Variants in FAM107A observed in about 807,000 individuals in gnomAD.
FAM107A encodes actin-associated protein FAM107A.
In FAM107A, 19 loss-of-function variants were observed where a neutral mutation model predicts 13.7. The ratio of observed to expected loss-of-function variants is 1.38; its 90% confidence interval spans 0.97 to 2.03. FAM107A has a LOEUF of 2.03. FAM107A is among the 30% of genes most tolerant of loss of function. The pLI is 0.00. For synonymous variants in FAM107A, 82 were observed against 74.5 expected (o/e 1.10, Z -0.52); for missense variants, 203 against 184.4 (o/e 1.10, Z -0.58).
chr3:58,572,130 G>A (rs185186755), intron 1 of FAM107A, among the ~76,000 whole-genome samples: 6 of 152,210 alleles, frequency 3.9e-5, no homozygotes, highest in East Asian at 1.9e-4. Flanking sequence ...CCTGAGTAAC[G>A]GGAATGACCA....
rs2063622173 is a variant in FAM107A, at chr3:58,566,491, C to G, written c.*97G>C. The G allele has an allele frequency of 3.7e-6, 3 of 820,210 alleles. No individual in the cohort carries two copies. The highest frequency in any genetic ancestry group is 6.1e-6 in the Non-Finnish European group (3 of 491,272). 50.8% of individuals were successfully genotyped at this position (820,210 alleles called of 1,614,324 possible). A position where few individuals can be genotyped will look rare whatever the true frequency, so the allele number is the denominator to read the frequency against. Reference sequence around the variant, plus strand: ...CAGAAGCAGGTGGGAACATCACAGACGTCCCAGGGCCTGGGGCCCAGGGCT... The same window carrying G: ...CAGAAGCAGGTGGGAACATCACAGAGGTCCCAGGGCCTGGGGCCCAGGGCT... On this transcript the variant is annotated 3_prime_UTR_variant, in exon 4 of 4. Transcript: ENST00000360997.
At chr3:58,570,658 A>AG in intron 1 of FAM107A, among the ~76,000 whole-genome samples, 1 of 151,580 alleles carries the variant, frequency 6.6e-6, no homozygotes, top group Admixed American at 6.6e-5. Flanking sequence ...TTAAAAAAAA[A>AG]AAGGCCTCAA....
At chr3:58,624,685 C>G (rs1575460989) in intron 1 of FAM107A, among the ~76,000 whole-genome samples, 1 of 152,104 alleles carries the variant, frequency 6.6e-6, no homozygotes, top group Non-Finnish European at 1.5e-5. Context: ...AAAGCCTATG[C>G]CCCTGACATT....
At chr3:58,586,297 T>C (rs2065605068) in intron 1 of FAM107A, among the ~76,000 whole-genome samples, 1 of 152,186 alleles carries the variant, frequency 6.6e-6, no homozygotes, top group African/African-American at 2.4e-5. Flanking sequence ...CTCACAGGAC[T>C]TCTGTGGTCA....
At chr3:58,619,647 A>G (rs1471996514) in intron 1 of FAM107A, among the ~76,000 whole-genome samples, 2 of 151,892 alleles carry the variant, frequency 1.3e-5, no homozygotes, top group African/African-American at 4.8e-5. Context: ...TCATCATAGT[A>G]CCCAGCACCT....
intron 1 of FAM107A, among the ~76,000 whole-genome samples, chr3:58,607,343 G>C (rs963626105): frequency 6.6e-6 from 1 of 152,166 alleles, no homozygotes; most frequent in African/African-American, 2.4e-5. Flanking sequence ...GGAGGGTGAG[G>C]GTGAGGATGT....
At chr3:58,606,859 T>C (rs2065799461) in intron 1 of FAM107A, among the ~76,000 whole-genome samples, 1 of 152,188 alleles carries the variant, frequency 6.6e-6, no homozygotes, top group Admixed American at 6.5e-5. Flanking sequence ...TTCACACTCT[T>C]GTAGTTTAAG....
rs71625690 is a variant in FAM107A, at chr3:58,565,435, A to ATTTTTT, written c.*1147_*1152dup. On this transcript the variant is annotated 3_prime_UTR_variant, in exon 4 of 4. Coordinates refer to ENST00000360997, the MANE Select transcript of FAM107A (RefSeq NM_001076778.3). ...GACTAGGAAAAAGTAAAAAAAAAAA[A>ATTTTTT]TTTTTTTTTTTTTTTTTTTTTTTTT... 2.4e-4 allele frequency: 20 copies of ATTTTTT among 82,338 alleles called. No individual in the cohort carries two copies. The highest frequency in any genetic ancestry group is 5.5e-4 in the South Asian group (1 of 1,816). 5.1% of individuals were successfully genotyped at this position (82,338 alleles called of 1,614,324 possible). A position where few individuals can be genotyped will look rare whatever the true frequency, so the allele number is the denominator to read the frequency against.
At chr3:58,593,940 C>G (rs372494005) in intron 1 of FAM107A, among the ~76,000 whole-genome samples, 1 of 152,158 alleles carries the variant, frequency 6.6e-6, no homozygotes, top group African/African-American at 2.4e-5. Context: ...CATCTACTTA[C>G]GGCACCTTTC....
At chr3:58,621,780 T>C (rs547578844) in intron 1 of FAM107A, among the ~76,000 whole-genome samples, 33 of 152,138 alleles carry the variant, frequency 2.2e-4, no homozygotes, top group African/African-American at 7.7e-4. Flanking sequence ...ATAACGGGGG[T>C]TGCAGGGTGG....
At chr3:58,627,447 G>T (rs890629064) in exon 1 of FAM107A, 2 of 170,102 alleles carry the variant, frequency 1.2e-5, no homozygotes, top group Non-Finnish European at 2.5e-5. Context: ...GACAGGGCCA[G>T]ACGGTGGAGG....
intron 1 of FAM107A, among the ~76,000 whole-genome samples, chr3:58,584,596 T>G (rs930356336): frequency 2.0e-5 from 3 of 152,154 alleles, no homozygotes; most frequent in African/African-American, 7.2e-5. Flanking sequence ...AGATAACAAT[T>G]GGCAGTGTCC....
intron 1 of FAM107A, among the ~76,000 whole-genome samples, chr3:58,624,874 G>C (rs1251241112): frequency 1.3e-5 from 2 of 152,208 alleles, no homozygotes; most frequent in African/African-American, 2.4e-5. Flanking sequence ...CTCTGCAACT[G>C]ACAGGGACGG....
intron 1 of FAM107A, among the ~76,000 whole-genome samples, chr3:58,592,277 T>C (rs1057381134): frequency 6.6e-6 from 1 of 152,114 alleles, no homozygotes; most frequent in Non-Finnish European, 1.5e-5. Context: ...ACCTGGGAAG[T>C]TGGGCTGGGT....
At chr3:58,590,108 C>T (rs967136855), upstream of FAM107A, among the ~76,000 whole-genome samples, 22 of 152,228 alleles carry the variant, frequency 1.4e-4, no homozygotes, top group East Asian at 9.6e-4. Context: ...CTTGACTGTG[C>T]TTCTGAGCTT....
chr3:58,568,460 A>G (rs1156900508), intron 2 of FAM107A, among the ~76,000 whole-genome samples: 2 of 152,142 alleles, frequency 1.3e-5, no homozygotes, highest in Non-Finnish European at 2.9e-5. Context: ...AAAAAAGAAA[A>G]AAAACAAGAG....
In FAM107A at chr3:58,577,231, C is replaced by T. The variant is rs564888118; in HGVS notation, c.-6+78G>A. On this transcript the variant is annotated intron_variant, in intron 1 of 3. Coordinates refer to ENST00000360997, the MANE Select transcript of FAM107A (RefSeq NM_001076778.3). The surrounding 1 kb of genome is among the most constrained non-coding windows in gnomAD (Gnocchi z 4.9). ...GACAGCCCACTTCAGTGTACCGGGT[C>T]TGCCCTCCTTCCCTTCCACCTCCTC... 3 of 702,474 alleles carry T rather than the reference C, an allele frequency of 4.3e-6. No homozygotes were observed. The highest frequency in any genetic ancestry group is 1.7e-6 in the Non-Finnish European group (1 of 571,506). 43.5% of individuals were successfully genotyped at this position (702,474 alleles called of 1,614,324 possible).
At chr3:58,572,189 C>T (rs749942769) in intron 1 of FAM107A, among the ~76,000 whole-genome samples, 24 of 152,070 alleles carry the variant, frequency 1.6e-4, no homozygotes, top group Non-Finnish European at 2.9e-4. Context: ...CACACATGTT[C>T]GAGTTCCTGT....
Position 58,569,819 on chromosome 3 carries a change from G to T in FAM107A, c.42C>A (p.Gly14=), listed in dbSNP as rs758415230. ...CTCTGTATTCTGGCCGGGCCATCAGGCCCCCAATGTCTGCCCGCTCCCTCT... is the reference window on the plus strand; with the variant it reads ...CTCTGTATTCTGGCCGGGCCATCAGTCCCCCAATGTCTGCCCGCTCCCTCT... The part of the protein sequence containing the change: ...EIQRERADIG[G]LMARPEYREW... The change falls in exon 2 of 4, where the codon GGC becomes GGA. Residue 14 remains glycine (G), a synonymous_variant. Transcript: ENST00000360997. The surrounding 1 kb of genome is among the most constrained non-coding windows in gnomAD (Gnocchi z 5.7). 1.4e-5 allele frequency: 22 copies of T among 1,613,990 alleles called. No homozygotes were observed. Among genetic ancestry groups the T allele is most frequent in the South Asian group, 1.3e-4 (12 of 91,092 alleles).
Sources: gnomAD v4.1 joint callset for allele counts (sites outside exome capture counted in the v4.1 genomes callset) on GRCh38, gnomAD v4.1.1 for gene constraint, Gnocchi (gnomAD v3.1) non-coding constraint, MANE v1.5 for transcripts, NCBI Gene and HGNC (gene_info 2026-07-23, HGNC 2026-07-21) for gene names.